Variants in TPTE2 observed in about 807,000 individuals in gnomAD.
The protein encoded by TPTE2 is phosphatidylinositol 3,4,5-trisphosphate 3-phosphatase TPTE2.
In TPTE2, 53 loss-of-function variants were observed where a neutral mutation model predicts 78.6. That is an observed-to-expected ratio of 0.67 (90% confidence interval 0.54 to 0.85). The LOEUF (loss-of-function observed/expected upper bound fraction) is 0.85. Among genes scored for constraint, TPTE2 ranks in the 40% least tolerant of loss-of-function variants. The pLI, the probability that TPTE2 is intolerant of heterozygous loss-of-function variation, is 0.00. For missense variants in TPTE2, 461 were observed against 623.0 expected, an observed-to-expected ratio of 0.74 and a Z score of 2.77; for synonymous variants, 175 against 206.2, an observed-to-expected ratio of 0.85 and a Z score of 1.30.
At chr13:19,480,140 G>A (rs141106039) in intron 4 of TPTE2, among the ~76,000 whole-genome samples, 82 of 152,176 alleles carry the variant, frequency 5.4e-4, no homozygotes, top group African/African-American at 1.3e-3. Context: ...TAATGAAATG[G>A]GATTTGTATT....
rs186171901 is a variant in TPTE2 at position 19,438,066 on chromosome 13, G to C, written c.1035+26C>G. ...ACTAGCAAACTCAATCATCATAAGAGAAAGTTTGTAGAACATCTTTCATAC... is the reference window on the plus strand; with the variant it reads ...ACTAGCAAACTCAATCATCATAAGACAAAGTTTGTAGAACATCTTTCATAC... On this transcript the variant is annotated intron_variant, in intron 14 of 19. Transcript: ENST00000400230. 13,365 of 1,596,222 alleles carry C rather than the reference G, an allele frequency of 8.4e-3. 71 individuals carry two copies. Among genetic ancestry groups the C allele is most frequent in the Admixed American group, 0.011 (645 of 58,932 alleles).
chr13:19,465,261 CGTAA>C lies in TPTE2; in HGVS notation c.666_669del (p.Tyr223LeufsTer30), dbSNP rs778536269. On this transcript the variant is annotated frameshift_variant, in exon 9 of 20. Coordinates refer to ENST00000400230, the Ensembl canonical transcript of TPTE2. LOFTEE classifies it high-confidence loss of function. The stretch of plus-strand genomic sequence containing the variant: ...ACCATTAAGTGTCACAAACCTGTAA[CGTAA>C]GTGAGGTCTAGGTCAAATCCATCCC... 4.3e-6 allele frequency: 7 copies of C among 1,613,794 alleles called. No homozygotes were observed. The highest frequency in any genetic ancestry group is 5.9e-6 in the Non-Finnish European group (7 of 1,179,804).
At chr13:19,493,471 G>T (rs144275026) in exon 2 of TPTE2, 1 of 1,613,656 alleles carries the variant, frequency 6.2e-7, no homozygotes, top group Non-Finnish European at 8.5e-7. Context: ...GTGCCTCCTC[G>T]GTTGTTCCTT....
At chr13:19,459,406 G>A (rs947932482) in intron 10 of TPTE2, among the ~76,000 whole-genome samples, 14 of 152,138 alleles carry the variant, frequency 9.2e-5, no homozygotes, top group Non-Finnish European at 1.6e-4. Flanking sequence ...TAGCCAGCCC[G>A]CACATACCTG....
the TPTE2 span, chr13:19,561,039 G>A: frequency 5.1e-4 from 810 of 1,575,178 alleles, 3 homozygotes; most frequent in African/African-American, 9.9e-3. Context: ...CGCTTGGACA[G>A]GGAGCTGAGC....
intron 15 of TPTE2, among the ~76,000 whole-genome samples, chr13:19,434,936 TA>T (rs1461788220): frequency 5.3e-5 from 8 of 152,220 alleles, no homozygotes; most frequent in Non-Finnish European, 1.2e-4. Context: ...TTCTAATTTA[TA>T]AGATGAGAAT....
Position 19,511,853 on chromosome 13 carries a change from T to A in TPTE2, c.-43-8576A>T, listed in dbSNP as rs539543781. On this transcript the variant is annotated intron_variant, in intron 1 of 17. Coordinates refer to the TPTE2 transcript ENST00000390680. ...TACTTATTAAACACAGAAAAACCAC[T>A]TTTTTTAAAAAAAAAATCACCATTT... is the stretch of plus-strand genomic sequence containing the variant. 9.3e-3 allele frequency among the ~76,000 whole-genome samples: 1,053 copies of A among 113,648 alleles called. 11 individuals carry two copies. Among genetic ancestry groups the A allele is most frequent in the African/African-American group, 0.037 (1,005 of 27,410 alleles). 74.6% of individuals were successfully genotyped at this position (113,648 alleles called of 152,430 possible).
chr13:19,539,018 G>A (rs1871362918), upstream of TPTE2, among the ~76,000 whole-genome samples: 1 of 152,170 alleles, frequency 6.6e-6, no homozygotes, highest in South Asian at 2.1e-4. Context: ...TTCTGAAGTG[G>A]CTGAGCATGC....
chr13:19,451,300 T>C (rs368683399), intron 10 of TPTE2, 75 bp from the exon 14 acceptor site: 1 of 1,581,712 alleles, frequency 6.3e-7, no homozygotes, highest in Non-Finnish European at 8.6e-7. Context: ...GAACCTAAAA[T>C]GGTTATTACT....
At chr13:19,544,925 C>T in the TPTE2 span, among the ~76,000 whole-genome samples, 2 of 125,138 alleles carry the variant, frequency 1.6e-5, no homozygotes, top group East Asian at 4.7e-4. Context: ...AAAACACACA[C>T]GTGCACACTC....
At chr13:19,460,674 C>T (rs1878831133) in intron 10 of TPTE2, among the ~76,000 whole-genome samples, 1 of 152,164 alleles carries the variant, frequency 6.6e-6, no homozygotes, top group Admixed American at 6.5e-5. Context: ...ACTTGCAGGC[C>T]TGTCCTGTTC....
chr13:19,497,485 C>G (rs1033097621), intron 1 of TPTE2, among the ~76,000 whole-genome samples: 2 of 97,942 alleles, frequency 2.0e-5, no homozygotes, highest in African/African-American at 6.1e-5. Flanking sequence ...CAAGTGGGTC[C>G]CTGACCCCTG....
intron 18 of TPTE2, chr13:19,426,143 TA>T (rs1342735371): frequency 6.1e-6 from 2 of 327,550 alleles, no homozygotes; most frequent in African/African-American, 2.3e-5. Flanking sequence ...TTTTTTTTTT[TA>T]GCATCTTGGC....
chr13:19,512,213 C>T (rs1311642262), intron 1 of TPTE2, among the ~76,000 whole-genome samples: 4 of 152,120 alleles, frequency 2.6e-5, no homozygotes, highest in Admixed American at 6.5e-5. Flanking sequence ...ATATAAAAGA[C>T]GTTGTAATAT....
At chr13:19,455,099 A>C (rs1302725838) in intron 10 of TPTE2, among the ~76,000 whole-genome samples, 1 of 152,204 alleles carries the variant, frequency 6.6e-6, no homozygotes, top group Non-Finnish European at 1.5e-5. Flanking sequence ...ACAATTTTCA[A>C]AATTGGCCAA....
the TPTE2 span, among the ~76,000 whole-genome samples, chr13:19,546,855 A>G: frequency 6.6e-6 from 1 of 152,204 alleles, no homozygotes; most frequent in African/African-American, 2.4e-5. Flanking sequence ...AGGTTGTAAG[A>G]TAATAGTTAA....
intron 6 of TPTE2, among the ~76,000 whole-genome samples, chr13:19,472,327 C>G (rs1879670846): frequency 6.6e-6 from 1 of 152,136 alleles, no homozygotes; most frequent in South Asian, 2.1e-4. Flanking sequence ...TTTTCTAGAT[C>G]CTGTAGGCAT....
chr13:19,470,794 G>A (rs1353424162), intron 6 of TPTE2, among the ~76,000 whole-genome samples: 2 of 152,020 alleles, frequency 1.3e-5, no homozygotes, highest in Admixed American at 6.6e-5. Flanking sequence ...CCAAAGTGCT[G>A]GGATTATAGA....
chr13:19,477,985 A>G (rs1880079067), intron 4 of TPTE2, among the ~76,000 whole-genome samples: 2 of 152,242 alleles, frequency 1.3e-5, no homozygotes, highest in Admixed American at 1.3e-4. Flanking sequence ...TGCTTGAGTC[A>G]GCTGAGCAAT....
Sources: gnomAD v4.1 joint callset for allele counts (sites outside exome capture counted in the v4.1 genomes callset) on GRCh38, gnomAD v4.1.1 for gene constraint, MANE v1.5 for transcripts, NCBI Gene and HGNC (gene_info 2026-07-23, HGNC 2026-07-21) for gene names.